IL34: variants seen among roughly 807,000 people sequenced by gnomAD.
IL34 encodes the protein interleukin-34.
In IL34, 17 loss-of-function variants were observed where a neutral mutation model predicts 25.3. The ratio of observed to expected loss-of-function variants is 0.67; its 90% CI spans 0.46 to 1.01. The LOEUF (loss-of-function observed/expected upper bound fraction) is 1.01. Among genes scored for constraint, IL34 ranks in the 50% least tolerant of loss-of-function variants. The probability of loss-of-function intolerance (pLI) is 0.00; values close to 1 mark genes in which losing one functional copy is unlikely to be tolerated. For synonymous variants in IL34, 174 were observed against 140.9 expected, an observed-to-expected ratio of 1.23 and a Z score of -1.66; for missense variants, 368 against 312.9, an observed-to-expected ratio of 1.18 and a Z score of -1.33.
chr16:70,591,340 G>A (rs1257148200), intron 1 of IL34, among the ~76,000 whole-genome samples: 1 of 152,102 alleles, frequency 6.6e-6, no homozygotes, highest in Non-Finnish European at 1.5e-5. Context: ...CCCCAGAGCT[G>A]AGGCAGGATG....
intron 1 of IL34, 100 bp from the exon 2 acceptor site, chr16:70,654,438 C>G (rs2151880943): frequency 6.2e-6 from 9 of 1,458,856 alleles, no homozygotes; most frequent in Middle Eastern, 3.7e-4. Flanking sequence ...GTGCTTGTCT[C>G]CTATGCAAAT....
At chr16:70,619,443 G>A (rs1336889502) in intron 1 of IL34, among the ~76,000 whole-genome samples, 1 of 152,240 alleles carries the variant, frequency 6.6e-6, no homozygotes, top group East Asian at 1.9e-4. Flanking sequence ...CCTAATAAGG[G>A]AACTGGGCAG....
At chr16:70,587,270 A>G (rs973546813) in intron 1 of IL34, among the ~76,000 whole-genome samples, 33 of 151,026 alleles carry the variant, frequency 2.2e-4, no homozygotes, top group African/African-American at 7.8e-4. Flanking sequence ...GACAGCGCTG[A>G]GTTTTGCTTT....
intron 1 of IL34, among the ~76,000 whole-genome samples, chr16:70,593,419 A>G (rs1201767703): frequency 6.6e-6 from 1 of 152,084 alleles, no homozygotes; most frequent in Non-Finnish European, 1.5e-5. Flanking sequence ...TTTGCATTTT[A>G]TGTTTAGGTT....
At chr16:70,609,852 T>C (rs1168045321) in intron 1 of IL34, among the ~76,000 whole-genome samples, 1 of 152,176 alleles carries the variant, frequency 6.6e-6, no homozygotes. Context: ...CTCAGATCTA[T>C]AGCTAGAATT....
At chr16:70,604,428 A>G (rs2050966306) in intron 1 of IL34, among the ~76,000 whole-genome samples, 1 of 152,324 alleles carries the variant, frequency 6.6e-6, no homozygotes, top group South Asian at 2.1e-4. Context: ...GGCCTGGAGT[A>G]AGGAAATGAT....
chr16:70,621,499 C>T (rs1053640447), intron 1 of IL34, among the ~76,000 whole-genome samples: 14 of 151,994 alleles, frequency 9.2e-5, no homozygotes, highest in Admixed American at 5.9e-4. Context: ...TTGGGCTGGT[C>T]GGTCTGAGGA....
intron 1 of IL34, among the ~76,000 whole-genome samples, chr16:70,595,076 T>G (rs1188176168): frequency 6.6e-6 from 1 of 151,640 alleles, no homozygotes; most frequent in Non-Finnish European, 1.5e-5. Flanking sequence ...TGCCTCAGGC[T>G]CCCAAGTAGC....
chr16:70,645,062 G>C (rs2051891231), upstream of IL34, among the ~76,000 whole-genome samples: 1 of 145,892 alleles, frequency 6.9e-6, no homozygotes, highest in Non-Finnish European at 1.5e-5. Flanking sequence ...AGGAAGAGAA[G>C]GAAGGAGAAA....
chr16:70,586,852 T>C (rs1251606620), intron 1 of IL34, among the ~76,000 whole-genome samples: 1 of 152,126 alleles, frequency 6.6e-6, no homozygotes, highest in African/African-American at 2.4e-5. Flanking sequence ...GAGGTGGCAG[T>C]GATGAGATGT....
chr16:70,659,833 C>T (rs560587983), intron 5 of IL34, 80 bp downstream of exon 5: 22 of 1,526,238 alleles, frequency 1.4e-5, no homozygotes, highest in South Asian at 6.3e-5. Context: ...GCAGAGCTGG[C>T]GTCCTCCCGG....
chr16:70,610,643 T>A (rs2051076829), intron 1 of IL34, among the ~76,000 whole-genome samples: 1 of 151,570 alleles, frequency 6.6e-6, no homozygotes, highest in African/African-American at 2.4e-5. Context: ...GCAGAGGGAG[T>A]GACAGGGGTG....
At chr16:70,626,776 C>G (rs2051403326) in intron 1 of IL34, among the ~76,000 whole-genome samples, 1 of 152,108 alleles carries the variant, frequency 6.6e-6, no homozygotes. Context: ...CTGATGTGTG[C>G]TTTGAGGAGT....
At chr16:70,619,447 T>C (rs1008084441) in intron 1 of IL34, among the ~76,000 whole-genome samples, 1 of 152,072 alleles carries the variant, frequency 6.6e-6, no homozygotes. Context: ...ATAAGGGAAC[T>C]GGGCAGGTGG....
At chr16:70,630,248 A>G (rs936402947) in intron 1 of IL34, among the ~76,000 whole-genome samples, 4 of 151,288 alleles carry the variant, frequency 2.6e-5, no homozygotes, top group African/African-American at 9.7e-5. Flanking sequence ...TTTCTTTTTA[A>G]TTTTTTTTGG....
intron 1 of IL34, among the ~76,000 whole-genome samples, chr16:70,649,568 C>A (rs554568489): frequency 6.6e-6 from 1 of 152,208 alleles, no homozygotes; most frequent in South Asian, 2.1e-4. Context: ...TCACAAAGAC[C>A]CCATTTCCAA....
intron 1 of IL34, among the ~76,000 whole-genome samples, chr16:70,651,145 G>A (rs2052068315): frequency 6.6e-6 from 1 of 152,070 alleles, no homozygotes; most frequent in African/African-American, 2.4e-5. Context: ...AGACCGATGG[G>A]GGCTGATGCA....
rs535923642 is a variant in IL34 at position 70,612,144 on chromosome 16, G to A, written c.-401+32095G>A. Among the ~76,000 whole-genome samples the A allele has an allele frequency of 2.0e-5, 3 of 152,360 alleles. No individual in the cohort carries two copies. In the East Asian group the frequency reaches 5.8e-4, roughly 29 times the overall value. On this transcript the variant is annotated intron_variant, in intron 1 of 6. Transcript: ENST00000429149. Reference sequence around the variant, plus strand: ...GCCAGCCTCCAACAGGCCGATAGGGGCTGTGTGTTCTGTAGTCTAGAAATC... The same window carrying A: ...GCCAGCCTCCAACAGGCCGATAGGGACTGTGTGTTCTGTAGTCTAGAAATC...
chr16:70,627,358 C>A (rs927459641), intron 1 of IL34, among the ~76,000 whole-genome samples: 1 of 152,074 alleles, frequency 6.6e-6, no homozygotes, highest in Admixed American at 6.6e-5. Context: ...CTATTACCAG[C>A]GTGTAGAAGC....
Sources: allele counts gnomAD v4.1 joint callset (sites outside exome capture counted in the v4.1 genomes callset), GRCh38; gene constraint gnomAD v4.1.1; transcripts MANE v1.5; gene names NCBI Gene and HGNC (gene_info 2026-07-23, HGNC 2026-07-21).